SYNPR: variants seen among roughly 807,000 people sequenced by gnomAD.
SYNPR encodes the protein synaptoporin.
SYNPR carries 23 observed loss-of-function variants against 32.9 expected under a neutral mutation model. The observed-to-expected ratio is 0.70, with a 90% CI of 0.50 to 0.99. The LOEUF is 0.99. Ranked by LOEUF, SYNPR falls within the 50% of genes least tolerant of loss-of-function variation. The pLI is 0.00. For missense variants in SYNPR, 318 were observed against 349.3 expected, an observed-to-expected ratio of 0.91 and a Z score of 0.71; for synonymous variants, 146 against 135.9, an observed-to-expected ratio of 1.07 and a Z score of -0.52.
chr3:63,261,732 A>G (rs554822515), intron 2 of SYNPR, among the ~76,000 whole-genome samples: 1 of 150,502 alleles, frequency 6.6e-6, no homozygotes, highest in South Asian at 2.1e-4. Flanking sequence ...TAATAATAAT[A>G]ATAATAGTAA....
At chr3:63,267,176 T>A (rs894680060) in intron 2 of SYNPR, 1 of 152,186 alleles carries the variant, frequency 6.6e-6, no homozygotes, top group African/African-American at 2.4e-5. Context: ...TGTATCAGGT[T>A]AACTAATGGT....
chr3:63,286,294 A>G (rs1442975466), intron 2 of SYNPR, among the ~76,000 whole-genome samples: 2 of 119,348 alleles, frequency 1.7e-5, no homozygotes, highest in Non-Finnish European at 3.7e-5. Flanking sequence ...GGTTTGTCGT[A>G]GAGGTGTGAA....
chr3:63,540,319 A>C (rs1277305924), intron 3 of SYNPR, among the ~76,000 whole-genome samples: 1 of 152,166 alleles, frequency 6.6e-6, no homozygotes, highest in African/African-American at 2.4e-5. Flanking sequence ...AAATTAGCTC[A>C]TGTGACACAG....
At chr3:63,443,358 G>A (rs1360468622) in intron 2 of SYNPR, 29 of 1,551,440 alleles carry the variant, frequency 1.9e-5, no homozygotes, top group Non-Finnish European at 2.4e-5. Context: ...AGTGGCTGGT[G>A]CTGTGGACAG....
At chr3:63,283,955 C>G (rs1052685740) in intron 2 of SYNPR, among the ~76,000 whole-genome samples, 1 of 151,672 alleles carries the variant, frequency 6.6e-6, no homozygotes, top group Non-Finnish European at 1.5e-5. Flanking sequence ...ACTACAGGCG[C>G]CTGCCACCAC....
At chr3:63,424,585 G>A (rs1345104717) in intron 2 of SYNPR, among the ~76,000 whole-genome samples, 2 of 152,022 alleles carry the variant, frequency 1.3e-5, no homozygotes, top group African/African-American at 4.8e-5. Context: ...TATATCAAAT[G>A]TGTTTGTTTT....
chr3:63,613,387 T>C (rs1390360845), intron 5 of SYNPR, among the ~76,000 whole-genome samples: 1 of 151,776 alleles, frequency 6.6e-6, no homozygotes, highest in African/African-American at 2.4e-5. Flanking sequence ...TTATTTACGT[T>C]TTGTATCTCC....
rs896523964 is a variant in SYNPR, at chr3:63,423,932, C to T, written c.85-56900C>T. 2.0e-5 allele frequency among the ~76,000 whole-genome samples: 3 copies of T among 152,158 alleles called. No individual in the cohort carries two copies. The South Asian group carries it at 6.2e-4, about 32-fold the overall frequency. ...CATCAGAAAAATCCAAAGTGAGAGA[C>T]ATTCTATAAAATACTTTGCCAGTTC... On this transcript the variant is annotated intron_variant, in intron 2 of 5. Coordinates refer to ENST00000478300, the MANE Select transcript of SYNPR (RefSeq NM_001130003.2).
Position 63,595,871 on chromosome 3 carries a change from A to T in SYNPR, c.409-13254A>T, listed in dbSNP as rs1197770518. ...TTTATATATATATAGTTATATATAT[A>T]TAATTTTATATATATATAGTTTTAT... On this transcript the variant is annotated intron_variant, in intron 4 of 5. Coordinates refer to ENST00000478300, the MANE Select transcript of SYNPR (RefSeq NM_001130003.2). Among the ~76,000 whole-genome samples, 3 of 94,790 alleles carry T rather than the reference A, an allele frequency of 3.2e-5. No individual in the cohort carries two copies. The East Asian group carries it at 9.1e-4, about 29-fold the overall frequency. 62.2% of individuals were successfully genotyped at this position (94,790 alleles called of 152,430 possible). A position where few individuals can be genotyped will look rare whatever the true frequency, so the allele number is the denominator to read the frequency against.
At position 63,522,181 on chromosome 3, in the gene SYNPR, T is replaced by C. The variant is rs111910239; in HGVS notation, c.210-34362T>C. Among the ~76,000 whole-genome samples the C allele has an allele frequency of 7.9e-3, 1,205 of 152,328 alleles. 20 individuals are homozygous for C. The highest frequency in any genetic ancestry group is 0.028 in the African/African-American group (1,149 of 41,568). ...GCACAGATGAGCACAGCAGAAATGT[T>C]TGCTGCGGTTGTTATCAATTGCTCT... is the stretch of plus-strand genomic sequence containing the variant. On this transcript the variant is annotated intron_variant, in intron 3 of 5. Coordinates refer to ENST00000478300, the MANE Select transcript of SYNPR (RefSeq NM_001130003.2).
chr3:63,458,402 G>T (rs543710351), intron 2 of SYNPR, among the ~76,000 whole-genome samples: 52 of 152,188 alleles, frequency 3.4e-4, no homozygotes, highest in South Asian at 1.2e-3. Context: ...TATCTATGGC[G>T]ATTCTCTGAT....
At chr3:63,332,290 T>C (rs1272475053) in intron 2 of SYNPR, among the ~76,000 whole-genome samples, 1 of 152,188 alleles carries the variant, frequency 6.6e-6, no homozygotes, top group Non-Finnish European at 1.5e-5. Context: ...CACAGGAAAG[T>C]GTTCCCTGAC....
At chr3:63,611,652 T>G (rs1403031684) in intron 5 of SYNPR, among the ~76,000 whole-genome samples, 1 of 152,214 alleles carries the variant, frequency 6.6e-6, no homozygotes, top group Non-Finnish European at 1.5e-5. Context: ...GCATGTTTGT[T>G]ACATTATTCT....
rs374356975 is a variant in SYNPR, at chr3:63,421,518, T to C, written c.85-59314T>C. On this transcript the variant is annotated intron_variant, in intron 2 of 5. Coordinates refer to ENST00000478300, the MANE Select transcript of SYNPR (RefSeq NM_001130003.2). ...TATATATATAATATTATTTCATTTG[T>C]TTAAAAAATCTAAAAAATGAAAATT... Among the ~76,000 whole-genome samples the C allele has an allele frequency of 5.9e-5, 9 of 152,022 alleles. No individual in the cohort carries two copies. The East Asian group carries it at 1.7e-3, about 29-fold the overall frequency.
intron 2 of SYNPR, among the ~76,000 whole-genome samples, chr3:63,313,450 G>A (rs2086991002): frequency 6.6e-6 from 1 of 151,262 alleles, no homozygotes; most frequent in Non-Finnish European, 1.5e-5. Flanking sequence ...TCATATAAGT[G>A]AGAACATTCA....
intron 2 of SYNPR, among the ~76,000 whole-genome samples, chr3:63,386,494 C>T (rs1285701845): frequency 1.3e-5 from 2 of 152,138 alleles, no homozygotes; most frequent in Non-Finnish European, 2.9e-5. Context: ...TTCCCGAAAC[C>T]TGCTTTGTGT....
intron 2 of SYNPR, among the ~76,000 whole-genome samples, chr3:63,354,099 G>C (rs1051725007): frequency 6.6e-6 from 1 of 152,126 alleles, no homozygotes; most frequent in African/African-American, 2.4e-5. Flanking sequence ...AATAACATGA[G>C]CATTAATAAT....
Position 63,461,806 on chromosome 3 carries a change from C to A in SYNPR, c.85-19026C>A, listed in dbSNP as rs76352949. Among the ~76,000 whole-genome samples, 165 of 151,858 alleles carry A rather than the reference C, an allele frequency of 1.1e-3. 1 individual carries two copies. In the East Asian group the frequency reaches 0.031, roughly 29 times the overall value. On this transcript the variant is annotated intron_variant, in intron 2 of 5. Coordinates refer to ENST00000478300, the MANE Select transcript of SYNPR (RefSeq NM_001130003.2). ...TGCTATGAACCTCAGTTTCCCCAGC[C>A]GTAGAACAGAGATAATACCCATCTT...
At chr3:63,280,209 T>C (rs1191219444) in intron 2 of SYNPR, among the ~76,000 whole-genome samples, 2 of 152,200 alleles carry the variant, frequency 1.3e-5, no homozygotes, top group African/African-American at 4.8e-5. Context: ...ACACCAATAC[T>C]GTGGCAACAT....
Sources: allele counts gnomAD v4.1 joint callset (sites outside exome capture counted in the v4.1 genomes callset), GRCh38; gene constraint gnomAD v4.1.1; transcripts MANE v1.5; gene names NCBI Gene and HGNC (gene_info 2026-07-23, HGNC 2026-07-21).